DIXDC1: variants seen among roughly 807,000 people sequenced by gnomAD.
DIXDC1 encodes dixin.
DIXDC1 carries 64 observed loss-of-function variants against 103.1 expected under a neutral mutation model. The ratio of observed to expected loss-of-function variants is 0.62; its 90% CI spans 0.51 to 0.76. DIXDC1 has a LOEUF of 0.76. Ranked by LOEUF, DIXDC1 falls within the 30% of genes least tolerant of loss-of-function variation. The pLI is 0.00. For missense variants in DIXDC1, 759 were observed against 834.2 expected (o/e 0.91, Z 1.11); for synonymous variants, 266 against 298.5 (o/e 0.89, Z 1.12).
chr11:111,977,758 A>G lies in DIXDC1; in HGVS notation c.656+2775A>G. ...GGACGCAGGCTTGCTGAAGCCCGAG[A>G]CAGGAGGGGGACCATGGGAGGGACG... On this transcript the variant is annotated intron_variant, in intron 5 of 19. Coordinates refer to ENST00000440460, the MANE Select transcript of DIXDC1 (RefSeq NM_001037954.4). The surrounding 1 kb of genome is among the most constrained non-coding windows in gnomAD (Gnocchi z 6.1). The G allele has an allele frequency of 1.3e-6, 2 of 1,565,786 alleles. No individual in the cohort carries two copies. Among genetic ancestry groups the G allele is most frequent in the Non-Finnish European group, 1.7e-6 (2 of 1,155,640 alleles).
intron 1 of DIXDC1, among the ~76,000 whole-genome samples, chr11:111,942,124 C>G (rs1453094315): frequency 6.6e-6 from 1 of 152,188 alleles, no homozygotes; most frequent in African/African-American, 2.4e-5. Context: ...CTTCTTTTTT[C>G]TATCCTGCCT....
At chr11:111,996,216 A>T in intron 17 of DIXDC1, 70 bp downstream of exon 17, 1 of 1,384,342 alleles carries the variant, frequency 7.2e-7, no homozygotes, top group Non-Finnish European at 9.9e-7. Flanking sequence ...TTTTCACACT[A>T]CATTTTGGGG....
chr11:111,933,050 TA>T (rs1185470185), upstream of DIXDC1, among the ~76,000 whole-genome samples: 1 of 152,230 alleles, frequency 6.6e-6, no homozygotes, highest in Non-Finnish European at 1.5e-5. Context: ...GTAAAAGAGA[TA>T]AAGATTCACA....
At chr11:111,935,829 C>T (rs187410335), upstream of DIXDC1, among the ~76,000 whole-genome samples, 1 of 152,208 alleles carries the variant, frequency 6.6e-6, no homozygotes, top group Non-Finnish European at 1.5e-5. Flanking sequence ...CAGCATTAGC[C>T]AGAATTGAAC....
chr11:112,018,910 T>G, intron 19 of DIXDC1, 46 bp from the exon 20 acceptor site: 46 of 1,529,958 alleles, frequency 3.0e-5, no homozygotes, highest in African/African-American at 5.5e-5. Context: ...GTTTAGTGAA[T>G]CAGATTCCCT....
chr11:111,968,708 C>A, intron 3 of DIXDC1, 70 bp downstream of exon 3: 1 of 1,445,872 alleles, frequency 6.9e-7, no homozygotes, highest in Non-Finnish European at 9.3e-7. Context: ...CAGGAAAATC[C>A]TTGGCTGTAA....
At position 112,017,470 on chromosome 11, in the gene DIXDC1, GGTTATT is replaced by G. The variant is rs1861629065; in HGVS notation, c.1863-306_1863-301del. On this transcript the variant is annotated intron_variant, in intron 18 of 19. Transcript: ENST00000440460. The surrounding 1 kb of genome is among the most constrained non-coding windows in gnomAD (Gnocchi z 4.0). ...ATCAAGAGAACTTTGATATATTTAT[GGTTATT>G]CAACAAATTTTATTTCAGGGACTTT... is the stretch of plus-strand genomic sequence containing the variant. 9.6e-6 allele frequency: 2 copies of G among 207,324 alleles called. No homozygotes were observed. Among genetic ancestry groups the G allele is most frequent in the Non-Finnish European group, 1.9e-5 (2 of 102,888 alleles). 12.8% of individuals were successfully genotyped at this position (207,324 alleles called of 1,614,324 possible).
In DIXDC1 at chr11:111,954,902, A is replaced by G. The variant is rs114353643; in HGVS notation, c.61-9647A>G. On this transcript the variant is annotated intron_variant, in intron 1 of 19. Coordinates refer to ENST00000440460, the MANE Select transcript of DIXDC1 (RefSeq NM_001037954.4). Reference sequence around the variant, plus strand: ...TATGGTATAAATTATGTATGTAAATATATATATACACACACAACACACCCC... The same window carrying G: ...TATGGTATAAATTATGTATGTAAATGTATATATACACACACAACACACCCC... 7.1e-3 allele frequency among the ~76,000 whole-genome samples: 1,081 copies of G among 152,216 alleles called. 18 individuals are homozygous for G. The highest frequency in any genetic ancestry group is 0.025 in the African/African-American group (1,030 of 41,526).
At chr11:111,936,731 T>G (rs1966198156), upstream of DIXDC1, among the ~76,000 whole-genome samples, 1 of 152,172 alleles carries the variant, frequency 6.6e-6, no homozygotes, top group Non-Finnish European at 1.5e-5. Context: ...GACCTCACTG[T>G]CCAGGGCCCA....
At chr11:111,985,180 C>T in intron 7 of DIXDC1, 52 bp from the exon 8 acceptor site, 5 of 1,435,808 alleles carry the variant, frequency 3.5e-6, no homozygotes, top group Admixed American at 1.8e-5. Context: ...CAACTCTGGA[C>T]TAAGTCATCT....
chr11:112,013,651 TC>T (rs1184530177), intron 17 of DIXDC1, among the ~76,000 whole-genome samples: 1 of 152,208 alleles, frequency 6.6e-6, no homozygotes, highest in East Asian at 1.9e-4. Flanking sequence ...TTCAACTATA[TC>T]CCTAGTACTA....
intron 10 of DIXDC1, among the ~76,000 whole-genome samples, 153 bp from the exon 11 acceptor site, chr11:111,992,262 C>G (rs138470023): frequency 6.6e-6 from 1 of 152,150 alleles, no homozygotes; most frequent in Admixed American, 6.6e-5. Flanking sequence ...AAAAACCCCT[C>G]CTCAGCAACT....
chr11:111,937,127 CG>C (rs200146124), upstream of DIXDC1: 3 of 519,632 alleles, frequency 5.8e-6, no homozygotes, highest in Middle Eastern at 9.7e-4. Context: ...TGCTGCGGCC[CG>C]GGCGGGGGGG....
chr11:111,973,747 G>A, intron 3 of DIXDC1, among the ~76,000 whole-genome samples: 1 of 152,116 alleles, frequency 6.6e-6, no homozygotes, highest in East Asian at 1.9e-4. Context: ...ACTTCCTCTA[G>A]GAATCCTTCT....
chr11:112,001,136 T>G (rs587722881), intron 17 of DIXDC1, among the ~76,000 whole-genome samples: 1 of 152,314 alleles, frequency 6.6e-6, no homozygotes, highest in Admixed American at 6.5e-5. Context: ...GAAGCACTGA[T>G]CCATGCTACA....
intron 17 of DIXDC1, among the ~76,000 whole-genome samples, chr11:112,010,894 A>G (rs1269968459): frequency 2.6e-5 from 4 of 152,236 alleles, no homozygotes; most frequent in Non-Finnish European, 5.9e-5. Flanking sequence ...AGGCATGGAC[A>G]AGGACTTCAT....
At chr11:111,954,387 C>T (rs1966870198) in intron 1 of DIXDC1, among the ~76,000 whole-genome samples, 1 of 152,164 alleles carries the variant, frequency 6.6e-6, no homozygotes, top group Admixed American at 6.5e-5. Flanking sequence ...CAATGGGGAG[C>T]AGCTGTAAAT....
intron 1 of DIXDC1, among the ~76,000 whole-genome samples, chr11:111,928,015 CAAAAA>C (rs782156043): frequency 1.6e-4 from 11 of 68,766 alleles, no homozygotes; most frequent in African/African-American, 5.8e-4. Flanking sequence ...GACTCCATCT[CAAAAA>C]AAAAAAAAAA....
intron 1 of DIXDC1, among the ~76,000 whole-genome samples, chr11:111,954,129 T>C (rs1966867351): frequency 6.6e-6 from 1 of 152,168 alleles, no homozygotes; most frequent in African/African-American, 2.4e-5. Context: ...TTGTAATATA[T>C]AATGAAATAA....
Sources: gnomAD v4.1 joint callset for allele counts (sites outside exome capture counted in the v4.1 genomes callset) on GRCh38, gnomAD v4.1.1 for gene constraint, Gnocchi (gnomAD v3.1) non-coding constraint, MANE v1.5 for transcripts, NCBI Gene and HGNC (gene_info 2026-07-23, HGNC 2026-07-21) for gene names.